Variants in EPB41L4A observed in about 807,000 individuals in gnomAD.
EPB41L4A encodes band 4.1-like protein 4A.
A neutral mutation model predicts 108.6 loss-of-function variants in EPB41L4A; 100 were observed. The observed-to-expected ratio is 0.92, with a 90% CI of 0.78 to 1.09. The LOEUF is 1.09. Among genes scored for constraint, EPB41L4A ranks in the 50% least tolerant of loss-of-function variants. The pLI is 0.00. For synonymous variants in EPB41L4A, 319 were observed against 289.0 expected, an observed-to-expected ratio of 1.10 and a Z score of -1.05; for missense variants, 1,030 against 842.7, an observed-to-expected ratio of 1.22 and a Z score of -2.75.
At chr5:112,311,683 G>A (rs1448765844) in intron 1 of EPB41L4A, among the ~76,000 whole-genome samples, 1 of 152,086 alleles carries the variant, frequency 6.6e-6, no homozygotes, top group African/African-American at 2.4e-5. Flanking sequence ...ACCCCAGCCT[G>A]GGCGACAGAG....
At chr5:112,147,474 T>C (rs1759302371) in intron 12 of EPB41L4A, among the ~76,000 whole-genome samples, 1 of 151,862 alleles carries the variant, frequency 6.6e-6, no homozygotes, top group African/African-American at 2.4e-5. Flanking sequence ...ACCCCTTCTC[T>C]ACTAAAAGTA....
chr5:112,340,592 T>C (rs1757249026), intron 1 of EPB41L4A, among the ~76,000 whole-genome samples: 1 of 152,276 alleles, frequency 6.6e-6, no homozygotes, highest in African/African-American at 2.4e-5. Context: ...TAAATAGCAA[T>C]AAAAACAGAT....
At chr5:112,225,934 C>T (rs1748417147) in intron 12 of EPB41L4A, among the ~76,000 whole-genome samples, 1 of 152,214 alleles carries the variant, frequency 6.6e-6, no homozygotes, top group African/African-American at 2.4e-5. Flanking sequence ...ATTACAGCAT[C>T]TTCTAAAAGA....
intron 1 of EPB41L4A, among the ~76,000 whole-genome samples, chr5:112,393,033 T>G (rs1426331898): frequency 2.0e-5 from 3 of 152,180 alleles, no homozygotes; most frequent in Non-Finnish European, 4.4e-5. Context: ...AGATGTTCCT[T>G]GAAACCAATG....
At chr5:112,391,447 T>C (rs1760932400) in intron 1 of EPB41L4A, among the ~76,000 whole-genome samples, 1 of 152,130 alleles carries the variant, frequency 6.6e-6, no homozygotes, top group Non-Finnish European at 1.5e-5. Context: ...CAAGCTTCAG[T>C]AGCCAATTCG....
At chr5:112,383,636 C>A (rs556535763) in intron 1 of EPB41L4A, among the ~76,000 whole-genome samples, 3 of 152,116 alleles carry the variant, frequency 2.0e-5, no homozygotes, top group African/African-American at 7.2e-5. Flanking sequence ...GCAATACAAA[C>A]AAGTGATCAG....
chr5:112,265,559 C>T (rs1213110237), intron 5 of EPB41L4A, among the ~76,000 whole-genome samples: 1 of 152,344 alleles, frequency 6.6e-6, no homozygotes, highest in East Asian at 1.9e-4. Flanking sequence ...TGTTAATCTA[C>T]CTTGCAAGCC....
chr5:112,406,917 T>A lies in EPB41L4A; in HGVS notation c.99+12024A>T, dbSNP rs562812706. ...TGTCCATGTCAGGCCTAACTTTCCA[T>A]CATAACTGAAACCCACTCTGTTGTA... On this transcript the variant is annotated intron_variant, in intron 1 of 22. Transcript: ENST00000261486. Among the ~76,000 whole-genome samples, 6 of 152,226 alleles carry A rather than the reference T, an allele frequency of 3.9e-5. No individual in the cohort carries two copies. In the East Asian group the frequency reaches 9.7e-4, roughly 25 times the overall value.
At chr5:112,174,440 T>C (rs556005915) in intron 18 of EPB41L4A, among the ~76,000 whole-genome samples, 81 of 152,198 alleles carry the variant, frequency 5.3e-4, no homozygotes, top group Non-Finnish European at 5.3e-4. Flanking sequence ...GTACGACATA[T>C]ATAGAAAATA....
At chr5:112,387,326 T>C (rs770907826) in intron 1 of EPB41L4A, among the ~76,000 whole-genome samples, 1 of 152,192 alleles carries the variant, frequency 6.6e-6, no homozygotes, top group Non-Finnish European at 1.5e-5. Context: ...GAACTGCCAC[T>C]GAAGAACTGC....
At chr5:112,419,750 G>T (rs61730664), upstream of EPB41L4A, 22 of 456,670 alleles carry the variant, frequency 4.8e-5, no homozygotes, top group Non-Finnish European at 7.9e-5. Context: ...AGGGCAGCAG[G>T]CTCCTTACCC....
At chr5:112,411,603 C>T (rs1762417301) in intron 1 of EPB41L4A, among the ~76,000 whole-genome samples, 1 of 148,984 alleles carries the variant, frequency 6.7e-6, no homozygotes, top group African/African-American at 2.5e-5. Context: ...CCTCAGCTTA[C>T]AGATAAGGAA....
intron 22 of EPB41L4A, among the ~76,000 whole-genome samples, chr5:112,168,016 C>G (rs970499615): frequency 1.1e-4 from 17 of 152,194 alleles, no homozygotes; most frequent in Non-Finnish European, 1.2e-4. Context: ...CGACGAACAA[C>G]GGGCTGACCC....
At chr5:112,170,406 G>T in intron 19 of EPB41L4A, 37 bp from the exon 20 acceptor site, 2 of 1,359,174 alleles carry the variant, frequency 1.5e-6, no homozygotes, top group Non-Finnish European at 2.1e-6. Context: ...TAGTTGTGGT[G>T]CTGGTATAAA....
intron 2 of EPB41L4A, among the ~76,000 whole-genome samples, chr5:112,296,458 G>A (rs1753989075): frequency 1.3e-5 from 2 of 151,996 alleles, no homozygotes; most frequent in South Asian, 4.2e-4. Flanking sequence ...CAACTGAATG[G>A]TCTGAAAAAA....
chr5:112,315,998 C>T (rs1755404531), intron 1 of EPB41L4A, among the ~76,000 whole-genome samples: 1 of 152,136 alleles, frequency 6.6e-6, no homozygotes. Context: ...TTCCACTTAA[C>T]TCTTAGCAAA....
intron 1 of EPB41L4A, among the ~76,000 whole-genome samples, chr5:112,332,469 A>AT (rs1289973438): frequency 6.6e-6 from 1 of 152,098 alleles, no homozygotes; most frequent in Non-Finnish European, 1.5e-5. Flanking sequence ...ATTGATTTTT[A>AT]TTTTTTAAAG....
chr5:112,321,233 C>T (rs1755756367), intron 1 of EPB41L4A, among the ~76,000 whole-genome samples: 2 of 152,148 alleles, frequency 1.3e-5, no homozygotes, highest in Admixed American at 1.3e-4. Flanking sequence ...GACCAATGGG[C>T]ATTGGGGTTG....
Position 112,236,649 on chromosome 5 carries a change from C to T in EPB41L4A, c.966-1894G>A, listed in dbSNP as rs563118871. On this transcript the variant is annotated intron_variant, in intron 11 of 22. Transcript: ENST00000261486. ...GGACACAGTTTTATTTCTGTGATCA[C>T]CCACTTCCCTGCTGCCTCTGGCATA... Among the ~76,000 whole-genome samples the T allele has an allele frequency of 4.8e-4, 73 of 152,294 alleles. No homozygotes were observed. The East Asian group carries it at 8.1e-3, about 17-fold the overall frequency.
Sources: gnomAD v4.1 joint callset for allele counts (sites outside exome capture counted in the v4.1 genomes callset) on GRCh38, gnomAD v4.1.1 for gene constraint, MANE v1.5 for transcripts, NCBI Gene and HGNC (gene_info 2026-07-23, HGNC 2026-07-21) for gene names.